Variants in MFSD6 observed in about 807,000 individuals in gnomAD.
The protein encoded by MFSD6 is major facilitator superfamily domain containing 6.
A neutral mutation model predicts 56.3 loss-of-function variants in MFSD6; 26 were observed. The ratio of observed to expected loss-of-function variants is 0.46; its 90% CI spans 0.34 to 0.64. The LOEUF (loss-of-function observed/expected upper bound fraction) is 0.64, where lower values mean the gene tolerates loss of function less well. Ranked by LOEUF, MFSD6 falls within the 30% of genes least tolerant of loss-of-function variation. The pLI, the probability that MFSD6 is intolerant of heterozygous loss-of-function variation, is 0.01. For synonymous variants in MFSD6, 331 were observed against 366.9 expected (o/e 0.90, Z 1.12); for missense variants, 750 against 986.2 (o/e 0.76, Z 3.21).
At chr2:190,429,028 T>A (rs1685874114) in intron 2 of MFSD6, among the ~76,000 whole-genome samples, 1 of 152,122 alleles carries the variant, frequency 6.6e-6, no homozygotes, top group South Asian at 2.1e-4. Flanking sequence ...GTATTCTGGT[T>A]TTAATGCTTT....
Position 190,457,003 on chromosome 2 carries a change from C to A in MFSD6, c.1533-12755C>A, listed in dbSNP as rs985048463. ...GTCTTCTGATGCCAACATAAACGTT[C>A]ATCCAGCTTCCTTAATCCGCGCGCA... On this transcript the variant is annotated intron_variant, in intron 3 of 7. Coordinates refer to ENST00000392328, the MANE Select transcript of MFSD6 (RefSeq NM_017694.4). The surrounding 1 kb of genome is among the most constrained non-coding windows in gnomAD (Gnocchi z 5.1). Among the ~76,000 whole-genome samples, 1 of 152,196 alleles carries A rather than the reference C, an allele frequency of 6.6e-6. No individual in the cohort carries two copies. Among genetic ancestry groups the A allele is most frequent in the Non-Finnish European group, 1.5e-5 (1 of 68,044 alleles).
In MFSD6 at chr2:190,431,937, ATCTTC is replaced by A. The variant is rs1162943633; in HGVS notation, c.-53-4035_-53-4031del. On this transcript the variant is annotated intron_variant, in intron 2 of 7. Coordinates refer to ENST00000392328, the MANE Select transcript of MFSD6 (RefSeq NM_017694.4). The surrounding 1 kb of genome is among the most constrained non-coding windows in gnomAD (Gnocchi z 4.4). Reference sequence around the variant, plus strand: ...TCTGGTATTGTTTCATAGTTGCATAATCTTCTCTTATTTCTGAAGATAATCATATA... The same window carrying A: ...TCTGGTATTGTTTCATAGTTGCATAATCTTATTTCTGAAGATAATCATATA... Among the ~76,000 whole-genome samples the A allele has an allele frequency of 6.6e-6, 1 of 152,084 alleles. No homozygotes were observed. The highest frequency in any genetic ancestry group is 1.5e-5 in the Non-Finnish European group (1 of 68,010).
chr2:190,460,206 G>C (rs1300200152), intron 3 of MFSD6, among the ~76,000 whole-genome samples: 4 of 152,212 alleles, frequency 2.6e-5, no homozygotes, highest in African/African-American at 9.6e-5. Context: ...GCTACTCATT[G>C]AGCTATTTAT....
chr2:190,418,254 G>A lies in MFSD6; in HGVS notation c.-54+2841G>A, dbSNP rs1690871021. Among the ~76,000 whole-genome samples, 1 of 152,144 alleles carries A rather than the reference G, an allele frequency of 6.6e-6. No homozygotes were observed. On this transcript the variant is annotated intron_variant, in intron 2 of 7. Coordinates refer to ENST00000392328, the MANE Select transcript of MFSD6 (RefSeq NM_017694.4). This position sits in a 1 kb window ranked among gnomAD's most constrained non-coding sequence, Gnocchi z 4.1. Reference sequence around the variant, plus strand: ...TTTCCACCCCAGAGAACTGTTGTGAGTATTAAATGAGTTAATACATGCTAG... The same window carrying A: ...TTTCCACCCCAGAGAACTGTTGTGAATATTAAATGAGTTAATACATGCTAG...
In MFSD6 at chr2:190,498,330, C is replaced by T. The variant is rs1689825527; in HGVS notation, c.2172+611C>T. Among the ~76,000 whole-genome samples the T allele has an allele frequency of 2.0e-5, 3 of 152,152 alleles. No homozygotes were observed. Among genetic ancestry groups the T allele is most frequent in the Admixed American group, 2.0e-4 (3 of 15,270 alleles). On this transcript the variant is annotated intron_variant, in intron 7 of 7. Coordinates refer to ENST00000392328, the MANE Select transcript of MFSD6 (RefSeq NM_017694.4). This position sits in a 1 kb window ranked among gnomAD's most constrained non-coding sequence, Gnocchi z 5.9. ...GTGTAACTTCTATAAACAATTTAGC[C>T]AAAGAAATAGGCTCAGTTCCCCCAT...
chr2:190,430,694 A>G (rs1685942549), intron 2 of MFSD6, among the ~76,000 whole-genome samples: 1 of 151,548 alleles, frequency 6.6e-6, no homozygotes, highest in Non-Finnish European at 1.5e-5. Context: ...CATTGTCATC[A>G]TGGCCCGTTC....
Position 190,461,157 on chromosome 2 carries a change from G to A in MFSD6, c.1533-8601G>A, listed in dbSNP as rs1559124354. On this transcript the variant is annotated intron_variant, in intron 3 of 7. Coordinates refer to ENST00000392328, the MANE Select transcript of MFSD6 (RefSeq NM_017694.4). This position sits in a 1 kb window ranked among gnomAD's most constrained non-coding sequence, Gnocchi z 5.5. The stretch of plus-strand genomic sequence containing the variant: ...AGCTAGAATGTTGTATGGTTTTGAA[G>A]CCAAAATAGAAACCCAGACAGTGAT... Among the ~76,000 whole-genome samples the A allele has an allele frequency of 6.6e-6, 1 of 152,192 alleles. No homozygotes were observed. The highest frequency in any genetic ancestry group is 1.9e-4 in the East Asian group (1 of 5,200).
chr2:190,476,533 TCA>T (rs1342889405), intron 4 of MFSD6, among the ~76,000 whole-genome samples: 2 of 152,086 alleles, frequency 1.3e-5, no homozygotes, highest in African/African-American at 2.4e-5. Context: ...AGAATGGCAA[TCA>T]TTAAAAAGTC....
chr2:190,498,578 T>C lies in MFSD6; in HGVS notation c.2172+859T>C, dbSNP rs1377603631. 1.3e-5 allele frequency among the ~76,000 whole-genome samples: 2 copies of C among 152,226 alleles called. No homozygotes were observed. Among genetic ancestry groups the C allele is most frequent in the Non-Finnish European group, 2.9e-5 (2 of 68,038 alleles). On this transcript the variant is annotated intron_variant, in intron 7 of 7. Transcript: ENST00000392328. The surrounding 1 kb of genome is among the most constrained non-coding windows in gnomAD (Gnocchi z 5.9). ...ATCTGGTTCTTTACTGATAACCATA[T>C]GCATGCTAGTCCATGCATGATCCTA...
rs1690608220 is a variant in MFSD6 at position 190,412,702 on chromosome 2, T to C, written c.-175-2590T>C. 2 of 849,344 alleles carry C rather than the reference T, an allele frequency of 2.4e-6. No individual in the cohort carries two copies. Among genetic ancestry groups the C allele is most frequent in the African/African-American group, 1.8e-5 (1 of 54,560 alleles). The allele number at this position is 849,344 out of a possible 1,614,324, so 52.6% of individuals were successfully genotyped here. A position where few individuals can be genotyped will look rare whatever the true frequency, so the allele number is the denominator to read the frequency against. On this transcript the variant is annotated intron_variant, in intron 1 of 7. Transcript: ENST00000392328. This position sits in a 1 kb window ranked among gnomAD's most constrained non-coding sequence, Gnocchi z 4.1. ...ATTAGCTGTCTGTTCCCATTTACTC[T>C]ACTGGCATTTTGGGGGTGAGAGGGG...
rs968148861 is a variant in MFSD6, at chr2:190,497,003, C to A, written c.1892-436C>A. Among the ~76,000 whole-genome samples the A allele has an allele frequency of 9.0e-4, 137 of 152,226 alleles. No homozygotes were observed. Among genetic ancestry groups the A allele is most frequent in the African/African-American group, 3.1e-3 (128 of 41,528 alleles). On this transcript the variant is annotated intron_variant, in intron 6 of 7. Transcript: ENST00000392328. The surrounding 1 kb of genome is among the most constrained non-coding windows in gnomAD (Gnocchi z 5.2). ...GGTTGCACCAAAATCTCACAAATCA[C>A]CATTAGAGAACTTACGTAACCAAAT... is the stretch of plus-strand genomic sequence containing the variant.
chr2:190,424,500 T>C lies in MFSD6; in HGVS notation c.-54+9087T>C, dbSNP rs952717680. Among the ~76,000 whole-genome samples, 1 of 152,096 alleles carries C rather than the reference T, an allele frequency of 6.6e-6. No individual in the cohort carries two copies. The highest frequency in any genetic ancestry group is 1.5e-5 in the Non-Finnish European group (1 of 68,012). ...ACAGGCACATGACACCATGCCCAGC[T>C]AATTTTGTATTTTTAGTAGAGATGG... On this transcript the variant is annotated intron_variant, in intron 2 of 7. Coordinates refer to ENST00000392328, the MANE Select transcript of MFSD6 (RefSeq NM_017694.4). This position sits in a 1 kb window ranked among gnomAD's most constrained non-coding sequence, Gnocchi z 5.9.
chr2:190,476,647 G>T (rs1240307986), intron 4 of MFSD6, among the ~76,000 whole-genome samples: 3 of 152,160 alleles, frequency 2.0e-5, no homozygotes, highest in Non-Finnish European at 2.9e-5. Flanking sequence ...TCAGTGTGGC[G>T]ATTCCTCAGG....
chr2:190,437,165 T>C lies in MFSD6; in HGVS notation c.1136T>C (p.Met379Thr). ...QIVFIVFGVL[M>T]TMALIVATQF... ...GTCTTCATCGTCTTCGGCGTTCTCA[T>C]GACCATGGCCTTGATCGTTGCCACT... The change falls in exon 3 of 8, where the codon ATG becomes ACG. Residue 379 changes from methionine to threonine, a missense_variant. This residue lies in a region of MFSD6 where 376 missense variants were observed against 437.9 expected (regional missense o/e 0.86). Coordinates refer to ENST00000392328, the MANE Select transcript of MFSD6 (RefSeq NM_017694.4). This position sits in a 1 kb window ranked among gnomAD's most constrained non-coding sequence, Gnocchi z 5.9. 1 of 1,614,256 alleles carries C rather than the reference T, an allele frequency of 6.2e-7. No homozygotes were observed. The highest frequency in any genetic ancestry group is 8.5e-7 in the Non-Finnish European group (1 of 1,180,040).
chr2:190,434,563 G>C lies in MFSD6; in HGVS notation c.-53-1414G>C, dbSNP rs1445985440. On this transcript the variant is annotated intron_variant, in intron 2 of 7. Transcript: ENST00000392328. The surrounding 1 kb of genome is among the most constrained non-coding windows in gnomAD (Gnocchi z 4.3). ...CAATTTGCCTGCCTCAGCTTCCCAAGTAGCTGGGACTACATGCGTGCCACC... is the reference window on the plus strand; with the variant it reads ...CAATTTGCCTGCCTCAGCTTCCCAACTAGCTGGGACTACATGCGTGCCACC... Among the ~76,000 whole-genome samples, 2 of 152,148 alleles carry C rather than the reference G, an allele frequency of 1.3e-5. No homozygotes were observed. Among genetic ancestry groups the C allele is most frequent in the Non-Finnish European group, 2.9e-5 (2 of 68,024 alleles).
Position 190,438,724 on chromosome 2 carries a change from G to C in MFSD6, c.1532+1163G>C, listed in dbSNP as rs1686265636. ...TTGCTGTAACTAAAAGCAACCGTATGTGTTTGTGTGTATTTAAATCTGCTA... is the reference window on the plus strand; with the variant it reads ...TTGCTGTAACTAAAAGCAACCGTATCTGTTTGTGTGTATTTAAATCTGCTA... On this transcript the variant is annotated intron_variant, in intron 3 of 7. Transcript: ENST00000392328. The surrounding 1 kb of genome is among the most constrained non-coding windows in gnomAD (Gnocchi z 5.2). 6.6e-6 allele frequency among the ~76,000 whole-genome samples: 1 copy of C among 152,216 alleles called. No homozygotes were observed. The highest frequency in any genetic ancestry group is 2.1e-4 in the South Asian group (1 of 4,832).
At position 190,497,198 on chromosome 2, in the gene MFSD6, T is replaced by A. The variant is rs77126740; in HGVS notation, c.1892-241T>A. On this transcript the variant is annotated intron_variant, in intron 6 of 7. Transcript: ENST00000392328. The surrounding 1 kb of genome is among the most constrained non-coding windows in gnomAD (Gnocchi z 5.2). The stretch of plus-strand genomic sequence containing the variant: ...TGTTCTAAGTTAAATGAAAAATATA[T>A]TTCTTAAATATATATGCTAATGTCT... 3.8e-3 allele frequency among the ~76,000 whole-genome samples: 582 copies of A among 152,234 alleles called. 4 individuals carry two copies. The highest frequency in any genetic ancestry group is 0.014 in the African/African-American group (563 of 41,536).
Position 190,456,353 on chromosome 2 carries a change from G to C in MFSD6, c.1533-13405G>C, listed in dbSNP as rs974372404. On this transcript the variant is annotated intron_variant, in intron 3 of 7. Transcript: ENST00000392328. The surrounding 1 kb of genome is among the most constrained non-coding windows in gnomAD (Gnocchi z 5.4). ...CATTGACTTCAGTCTGAGTGCTAGT[G>C]AATGTTCAGGAATGACAGAGAGGGA... Among the ~76,000 whole-genome samples the C allele has an allele frequency of 3.3e-5, 5 of 152,218 alleles. No homozygotes were observed. Among genetic ancestry groups the C allele is most frequent in the Admixed American group, 1.3e-4 (2 of 15,284 alleles).
At position 190,495,078 on chromosome 2, in the gene MFSD6, T is replaced by G. The variant is rs1201254546; in HGVS notation, c.1892-2361T>G. On this transcript the variant is annotated intron_variant, in intron 6 of 7. Transcript: ENST00000392328. This position sits in a 1 kb window ranked among gnomAD's most constrained non-coding sequence, Gnocchi z 4.7. The stretch of plus-strand genomic sequence containing the variant: ...TCAAACTGTCGCTGTTTGCTGATGA[T>G]AAGATTGTATACCTAGAAAACCCTA... 6.6e-6 allele frequency among the ~76,000 whole-genome samples: 1 copy of G among 152,142 alleles called. No individual in the cohort carries two copies. The highest frequency in any genetic ancestry group is 2.4e-5 in the African/African-American group (1 of 41,438).
Sources: gnomAD v4.1 joint callset for allele counts (sites outside exome capture counted in the v4.1 genomes callset) on GRCh38, gnomAD v4.1.1 for gene constraint, gnomAD v4.1.1 regional missense constraint, Gnocchi (gnomAD v3.1) non-coding constraint, MANE v1.5 for transcripts, NCBI Gene and HGNC (gene_info 2026-07-23, HGNC 2026-07-21) for gene names.